Variants in DNAI4 observed in about 807,000 individuals in gnomAD.
DNAI4 encodes the protein dynein axonemal intermediate chain 4.
DNAI4 carries 85 observed loss-of-function variants against 105.8 expected under a neutral mutation model. That is an observed-to-expected ratio of 0.80 (90% CI 0.67 to 0.96). DNAI4 has a LOEUF of 0.96. Ranked by LOEUF, DNAI4 falls within the 40% of genes least tolerant of loss-of-function variation. The probability of loss-of-function intolerance (pLI) is 0.00; values close to 1 mark genes in which losing one functional copy is unlikely to be tolerated. For synonymous variants in DNAI4, 352 were observed against 331.5 expected, an observed-to-expected ratio of 1.06 and a Z score of -0.67; for missense variants, 1,014 against 1,005.6, an observed-to-expected ratio of 1.01 and a Z score of -0.11.
intron 4 of DNAI4, among the ~76,000 whole-genome samples, chr1:66,880,151 ATGTGGAAC>A (rs1342611430): frequency 6.6e-6 from 1 of 152,238 alleles, no homozygotes; most frequent in Non-Finnish European, 1.5e-5. Context: ...CTCCCCAGCC[ATGTGGAAC>A]TGTAAGTCCA....
At position 66,883,311 on chromosome 1, in the gene DNAI4, T is replaced by C. The variant is rs149525367; in HGVS notation, c.643+7843A>G. Among the ~76,000 whole-genome samples, 675 of 151,300 alleles carry C rather than the reference T, an allele frequency of 4.5e-3. 3 individuals are homozygous for C. The highest frequency in any genetic ancestry group is 6.3e-3 in the Non-Finnish European group (426 of 67,802). On this transcript the variant is annotated intron_variant, in intron 4 of 16. Coordinates refer to ENST00000371026, the MANE Select transcript of DNAI4 (RefSeq NM_024763.5). The stretch of plus-strand genomic sequence containing the variant: ...AACTTTTTTTGAGACGGAGTTTCAC[T>C]CTTGTCACCAGACTGGAGTGCAATG...
At chr1:66,818,643 G>A (rs1017915580) in intron 16 of DNAI4, among the ~76,000 whole-genome samples, 5 of 152,218 alleles carry the variant, frequency 3.3e-5, no homozygotes, top group African/African-American at 1.2e-4. Context: ...AATTGGCCAG[G>A]TGCGGTGGCT....
chr1:66,916,764 T>C (rs1283216859), intron 1 of DNAI4, among the ~76,000 whole-genome samples: 1 of 152,212 alleles, frequency 6.6e-6, no homozygotes, highest in African/African-American at 2.4e-5. Context: ...CTTTATGTTA[T>C]GGTCAAAATT....
At chr1:66,840,703 C>T (rs764735330) in intron 8 of DNAI4, 32 bp from the exon 9 acceptor site, 3 of 1,611,444 alleles carry the variant, frequency 1.9e-6, no homozygotes, top group South Asian at 1.1e-5. Context: ...AGATCATTGT[C>T]CTCTACATCT....
chr1:66,871,091 T>G, intron 6 of DNAI4: 1 of 342,724 alleles, frequency 2.9e-6, no homozygotes, highest in Non-Finnish European at 5.2e-6. Context: ...TGTGACATAG[T>G]AAATAATCAG....
chr1:66,891,125 A>C (rs1647602298), intron 4 of DNAI4, 29 bp downstream of exon 4: 1 of 1,470,106 alleles, frequency 6.8e-7, no homozygotes, highest in Non-Finnish European at 9.5e-7. Flanking sequence ...ACGGACTGTT[A>C]CTGAAATAAA....
At chr1:66,855,679 T>C (rs138203934) in intron 7 of DNAI4, among the ~76,000 whole-genome samples, 3 of 152,274 alleles carry the variant, frequency 2.0e-5, no homozygotes, top group Non-Finnish European at 4.4e-5. Context: ...TCTTAAATGC[T>C]TATGGTGCAA....
intron 8 of DNAI4, among the ~76,000 whole-genome samples, chr1:66,845,217 T>TAAAAAAAAAA (rs869249698): frequency 1.3e-4 from 5 of 38,104 alleles, no homozygotes; most frequent in Non-Finnish European, 1.6e-4. Flanking sequence ...AAAGAAAAAT[T>TAAAAAAAAAA]AAAAAAAAAA....
chr1:66,904,194 G>A (rs1267703184), intron 2 of DNAI4, among the ~76,000 whole-genome samples: 2 of 152,090 alleles, frequency 1.3e-5, no homozygotes, highest in African/African-American at 4.8e-5. Flanking sequence ...TCATGTAGTA[G>A]TGTTTATATA....
rs984577677 is a variant in DNAI4 at position 66,822,285 on chromosome 1, A to G, written c.2496+76T>C. Reference sequence around the variant, plus strand: ...TACACCTAAGATATTGAGAAATGTAAATCCTTTGCATGCTACAAAAGTATA... The same window carrying G: ...TACACCTAAGATATTGAGAAATGTAGATCCTTTGCATGCTACAAAAGTATA... On this transcript the variant is annotated intron_variant, in intron 16 of 16. Coordinates refer to ENST00000371026, the MANE Select transcript of DNAI4 (RefSeq NM_024763.5). 6 of 1,302,582 alleles carry G rather than the reference A, an allele frequency of 4.6e-6. No individual in the cohort carries two copies. The African/African-American group carries it at 7.5e-5, about 16-fold the overall frequency. 80.7% of individuals were successfully genotyped at this position (1,302,582 alleles called of 1,614,324 possible). A position where few individuals can be genotyped will look rare whatever the true frequency, so the allele number is the denominator to read the frequency against.
At chr1:66,891,062 C>T in intron 4 of DNAI4, 92 bp downstream of exon 4, 1 of 995,286 alleles carries the variant, frequency 1.0e-6, no homozygotes, top group Non-Finnish European at 1.6e-6. Flanking sequence ...AAATCATTAC[C>T]ATATTTCTTT....
rs531363858 is a variant in DNAI4, at chr1:66,840,932, T to C, written c.1292-261A>G. On this transcript the variant is annotated intron_variant, in intron 8 of 16. Coordinates refer to ENST00000371026, the MANE Select transcript of DNAI4 (RefSeq NM_024763.5). The stretch of plus-strand genomic sequence containing the variant: ...CAGTGTAGCACATCCAAATGACAAA[T>C]GTGTGGTCTCTAAAATGTAAAGAGA... 1.1e-4 allele frequency among the ~76,000 whole-genome samples: 16 copies of C among 152,298 alleles called. No homozygotes were observed. In the East Asian group the frequency reaches 2.3e-3, roughly 22 times the overall value.
intron 5 of DNAI4, among the ~76,000 whole-genome samples, chr1:66,872,217 A>ATTTAT (rs34323265): frequency 0.11 from 13,252 of 117,430 alleles, 985 homozygotes; most frequent in African/African-American, 0.27. Flanking sequence ...TTATTTATTT[A>ATTTAT]TTATTTATTT....
chr1:66,835,299 A>G (rs558980493), intron 11 of DNAI4, among the ~76,000 whole-genome samples: 22 of 152,328 alleles, frequency 1.4e-4, no homozygotes, highest in African/African-American at 4.6e-4. Flanking sequence ...GATAAGCACT[A>G]TGATAAAGGT....
intron 16 of DNAI4, among the ~76,000 whole-genome samples, chr1:66,814,525 C>T (rs1024604536): frequency 3.9e-5 from 6 of 152,204 alleles, no homozygotes; most frequent in South Asian, 2.1e-4. Context: ...CGTGCCACCA[C>T]GCCCAGCTAA....
chr1:66,862,742 A>G (rs1646654387), intron 6 of DNAI4, among the ~76,000 whole-genome samples: 1 of 152,194 alleles, frequency 6.6e-6, no homozygotes, highest in Admixed American at 6.5e-5. Flanking sequence ...GGATAACTCC[A>G]AATTATCTTC....
chr1:66,916,298 G>T (rs1296116520), intron 1 of DNAI4, among the ~76,000 whole-genome samples: 1 of 152,102 alleles, frequency 6.6e-6, no homozygotes, highest in African/African-American at 2.4e-5. Context: ...TAAAGAAATT[G>T]AGATTAAATT....
intron 4 of DNAI4, among the ~76,000 whole-genome samples, chr1:66,887,353 T>C (rs968044467): frequency 2.0e-5 from 3 of 152,218 alleles, no homozygotes; most frequent in African/African-American, 7.2e-5. Context: ...ATAAAAGTTG[T>C]TAATTTTCCA....
At chr1:66,916,848 A>G (rs1650107556) in intron 1 of DNAI4, among the ~76,000 whole-genome samples, 1 of 151,990 alleles carries the variant, frequency 6.6e-6, no homozygotes, top group South Asian at 2.1e-4. Flanking sequence ...GGGCTTGTTC[A>G]GAAAATTATG....
Sources: gnomAD v4.1 joint callset for allele counts (sites outside exome capture counted in the v4.1 genomes callset) on GRCh38, gnomAD v4.1.1 for gene constraint, MANE v1.5 for transcripts, NCBI Gene and HGNC (gene_info 2026-07-23, HGNC 2026-07-21) for gene names.